NTRK2: variants seen among roughly 807,000 people sequenced by gnomAD.
NTRK2 encodes neurotrophic receptor tyrosine kinase 2, also known as BDNF/NT-3 growth factors receptor.
Under a neutral mutation model 94.5 loss-of-function variants are expected in NTRK2, and 13 were observed. The ratio of observed to expected loss-of-function variants is 0.14; its 90% CI spans 0.09 to 0.22. NTRK2 has a LOEUF of 0.22. NTRK2 is among the 10% of genes least tolerant of loss of function. The pLI is 1.00. For synonymous variants in NTRK2, 372 were observed against 407.4 expected (o/e 0.91, Z 1.05); for missense variants, 639 against 1,071.2 (o/e 0.60, Z 5.63).
chr9:84,800,344 C>T (rs1420725077), intron 12 of NTRK2, among the ~76,000 whole-genome samples: 1 of 152,052 alleles, frequency 6.6e-6, no homozygotes, highest in Non-Finnish European at 1.5e-5. Flanking sequence ...GCTGGGATTA[C>T]AGGCACCTGC....
intron 14 of NTRK2, among the ~76,000 whole-genome samples, chr9:84,869,467 C>A (rs560114151): frequency 1.8e-4 from 27 of 152,298 alleles, no homozygotes; most frequent in African/African-American, 6.0e-4. Context: ...AATAACAAAT[C>A]TTCCATGAAT....
intron 12 of NTRK2, among the ~76,000 whole-genome samples, chr9:84,761,753 C>T (rs1371086541): frequency 6.6e-6 from 1 of 152,188 alleles, no homozygotes; most frequent in African/African-American, 2.4e-5. Context: ...CGGTCATCTC[C>T]AGAAAATATT....
intron 15 of NTRK2, among the ~76,000 whole-genome samples, chr9:84,939,637 A>C (rs2078335613): frequency 6.6e-6 from 1 of 152,176 alleles, no homozygotes. Flanking sequence ...TTTAGGCCTC[A>C]GGGGAATACA....
At chr9:85,010,410 G>A (rs1831432723) in intron 17 of NTRK2, among the ~76,000 whole-genome samples, 1 of 152,122 alleles carries the variant, frequency 6.6e-6, no homozygotes, top group African/African-American at 2.4e-5. Context: ...AATGTTAGAT[G>A]GTCTCTTGGG....
At chr9:84,991,313 G>A (rs985517304) in intron 17 of NTRK2, among the ~76,000 whole-genome samples, 3 of 152,278 alleles carry the variant, frequency 2.0e-5, no homozygotes, top group African/African-American at 7.2e-5. Context: ...AGGACATAGC[G>A]GACACGTTGC....
chr9:84,769,282 A>G (rs1030817886), intron 12 of NTRK2, among the ~76,000 whole-genome samples: 1 of 152,168 alleles, frequency 6.6e-6, no homozygotes, highest in African/African-American at 2.4e-5. Context: ...AAATATTCTG[A>G]TATCTCACAT....
At chr9:85,002,354 G>A (rs1588157022) in intron 17 of NTRK2, among the ~76,000 whole-genome samples, 1 of 152,286 alleles carries the variant, frequency 6.6e-6, no homozygotes, top group East Asian at 1.9e-4. Context: ...ATGAAGGCTC[G>A]AGGTTTGCAT....
intron 17 of NTRK2, among the ~76,000 whole-genome samples, chr9:85,011,829 C>CTA (rs1260501555): frequency 6.6e-6 from 1 of 152,096 alleles, no homozygotes; most frequent in Non-Finnish European, 1.5e-5. Context: ...TGGTCCTGAC[C>CTA]TATACTCTCT....
At chr9:84,790,359 T>C (rs769888473) in intron 12 of NTRK2, among the ~76,000 whole-genome samples, 7 of 152,118 alleles carry the variant, frequency 4.6e-5, no homozygotes, top group Admixed American at 1.3e-4. Flanking sequence ...TTCTAAGCAG[T>C]GGATAATGAA....
At chr9:84,668,823 G>A (rs1432083468), upstream of NTRK2, 1 of 152,242 alleles carries the variant, frequency 6.6e-6, no homozygotes, top group Admixed American at 6.5e-5. Flanking sequence ...TGCCCTACGT[G>A]GGGGTGGGCA....
upstream of NTRK2, among the ~76,000 whole-genome samples, chr9:84,669,069 C>T (rs974500231): frequency 2.6e-5 from 4 of 152,172 alleles, no homozygotes; most frequent in Non-Finnish European, 4.4e-5. This position sits in a 1 kb window ranked among gnomAD's most constrained non-coding sequence, Gnocchi z 4.1. Flanking sequence ...AGACTCCCTT[C>T]CCTCTGCAAA....
In NTRK2 at chr9:84,837,421, G is replaced by A. The variant is rs1166580996; in HGVS notation, c.1397-23619G>A. On this transcript the variant is annotated intron_variant, in intron 12 of 18. Transcript: ENST00000277120. ...TACACTAATGGTCTGACTTTGCTGT[G>A]CCTCAATATCTTCACATGTAAAATG... is the stretch of plus-strand genomic sequence containing the variant. 4.6e-5 allele frequency among the ~76,000 whole-genome samples: 7 copies of A among 152,122 alleles called. No individual in the cohort carries two copies. In the East Asian group the frequency reaches 1.3e-3, roughly 29 times the overall value.
At chr9:84,976,920 C>G (rs904669218) in intron 17 of NTRK2, among the ~76,000 whole-genome samples, 4 of 152,222 alleles carry the variant, frequency 2.6e-5, no homozygotes, top group African/African-American at 7.2e-5. Flanking sequence ...TTTTTACACA[C>G]TATTCTCTTG....
intron 14 of NTRK2, among the ~76,000 whole-genome samples, chr9:84,886,961 G>T (rs957701175): frequency 5.9e-5 from 9 of 152,146 alleles, no homozygotes; most frequent in Non-Finnish European, 7.3e-5. Flanking sequence ...AGTAAAACCT[G>T]GTAAGCAGTT....
intron 12 of NTRK2, among the ~76,000 whole-genome samples, chr9:84,860,602 G>A (rs1408798517): frequency 6.6e-6 from 1 of 152,102 alleles, no homozygotes; most frequent in Non-Finnish European, 1.5e-5. Flanking sequence ...CAGAACCGTA[G>A]TGCATTTGTC....
In NTRK2 at chr9:85,022,809, T is replaced by C. The variant is rs1357416329; in HGVS notation, c.*1372T>C. ...TACGGTGGTGATGGGTTTTAATGAA[T>C]ATGGACCCTGAAGCCTGGAAATCCT... On this transcript the variant is annotated 3_prime_UTR_variant, in exon 19 of 19. Transcript: ENST00000277120. 2 of 233,042 alleles carry C rather than the reference T, an allele frequency of 8.6e-6. No homozygotes were observed. The highest frequency in any genetic ancestry group is 1.7e-5 in the Non-Finnish European group (2 of 118,042). The allele number at this position is 233,042 out of a possible 1,614,324, so 14.4% of individuals were successfully genotyped here.
chr9:84,844,471 CTTGTTATAT>C lies in NTRK2; in HGVS notation c.1397-16565_1397-16557del, dbSNP rs2074357520. ...GGGAAAAATGACTCCCTATTCTTCT[CTTGTTATAT>C]TTGCTGATGTTTCTGGGTAACTTTC... On this transcript the variant is annotated intron_variant, in intron 12 of 18. Transcript: ENST00000277120. Among the ~76,000 whole-genome samples the C allele has an allele frequency of 2.0e-5, 3 of 152,234 alleles. No homozygotes were observed. In the South Asian group the frequency reaches 6.2e-4, roughly 32 times the overall value.
At chr9:84,735,381 T>G (rs879646397) in intron 9 of NTRK2, among the ~76,000 whole-genome samples, 1 of 152,128 alleles carries the variant, frequency 6.6e-6, no homozygotes, top group Non-Finnish European at 1.5e-5. Context: ...CAAACTAATG[T>G]ATTTCTAACA....
intron 14 of NTRK2, among the ~76,000 whole-genome samples, chr9:84,914,496 G>T (rs1422613701): frequency 6.6e-6 from 1 of 152,146 alleles, no homozygotes; most frequent in Non-Finnish European, 1.5e-5. Flanking sequence ...CACTCCACCA[G>T]GGGAAAGGGG....
Sources: gnomAD v4.1 joint callset for allele counts (sites outside exome capture counted in the v4.1 genomes callset) on GRCh38, gnomAD v4.1.1 for gene constraint, Gnocchi (gnomAD v3.1) non-coding constraint, MANE v1.5 for transcripts, NCBI Gene and HGNC (gene_info 2026-07-23, HGNC 2026-07-21) for gene names.